Variants in STARD13 observed in about 807,000 individuals in gnomAD.
STARD13 encodes StAR related lipid transfer domain containing 13.
In STARD13, 62 loss-of-function variants were observed where a neutral mutation model predicts 106.4. That is an observed-to-expected ratio of 0.58 (90% CI 0.48 to 0.72). The LOEUF is 0.72. Among genes scored for constraint, STARD13 ranks in the 30% least tolerant of loss-of-function variants. The probability of loss-of-function intolerance (pLI) is 0.00; values close to 1 mark genes in which losing one functional copy is unlikely to be tolerated. For missense variants in STARD13, 1,387 were observed against 1,424.0 expected (o/e 0.97, Z 0.42); for synonymous variants, 565 against 553.0 (o/e 1.02, Z -0.31).
chr13:33,381,554 A>C, the STARD13 span, among the ~76,000 whole-genome samples: 1 of 152,054 alleles, frequency 6.6e-6, no homozygotes, highest in Non-Finnish European at 1.5e-5. Context: ...AGCCTGACCA[A>C]CATGATGAAA....
At chr13:33,261,057 T>C (rs779819241) in intron 1 of STARD13, among the ~76,000 whole-genome samples, 22 of 152,230 alleles carry the variant, frequency 1.4e-4, no homozygotes, top group Non-Finnish European at 2.9e-4. Context: ...AAGACTCTGG[T>C]ACACAGAAGA....
chr13:33,300,754 T>C (rs906589455), intron 1 of STARD13, among the ~76,000 whole-genome samples: 1 of 152,226 alleles, frequency 6.6e-6, no homozygotes, highest in Non-Finnish European at 1.5e-5. Flanking sequence ...TTATTGATTA[T>C]GGAAATTACC....
the STARD13 span, among the ~76,000 whole-genome samples, chr13:33,418,775 C>T: frequency 2.6e-5 from 4 of 152,220 alleles, no homozygotes; most frequent in Non-Finnish European, 5.9e-5. Flanking sequence ...TGCTCTTCTG[C>T]AATATTTGCT....
chr13:33,511,553 T>TA, the STARD13 span: 1 of 152,168 alleles, frequency 6.6e-6, no homozygotes, highest in Non-Finnish European at 1.5e-5. Flanking sequence ...GTATCCTACT[T>TA]ACGTTTAAAA....
intron 4 of STARD13, chr13:33,138,844 T>A (rs777871291): frequency 4.2e-6 from 2 of 478,606 alleles, no homozygotes. Flanking sequence ...CTCGAATCCT[T>A]AAAGGGTCCC....
chr13:33,309,342 G>A (rs1247724134), intron 1 of STARD13, among the ~76,000 whole-genome samples: 2 of 152,120 alleles, frequency 1.3e-5, no homozygotes, highest in Non-Finnish European at 2.9e-5. Context: ...CAGAGAAAGC[G>A]GCAGAGCTGG....
Position 33,106,743 on chromosome 13 carries a change from G to T in STARD13, c.3224+15C>A. ...CCCAAGATCTGAGCCTGCCATTAAG[G>T]GAGTCAGCACTTACTTCAGGTCTAT... On this transcript the variant is annotated intron_variant, in intron 13 of 13. Transcript: ENST00000336934. 6.3e-7 allele frequency: 1 copy of T among 1,588,562 alleles called. No homozygotes were observed. The highest frequency in any genetic ancestry group is 8.6e-7 in the Non-Finnish European group (1 of 1,163,730).
chr13:33,408,991 C>T, the STARD13 span, among the ~76,000 whole-genome samples: 1 of 151,718 alleles, frequency 6.6e-6, no homozygotes, highest in Non-Finnish European at 1.5e-5. Flanking sequence ...TCTCACTTTG[C>T]ACCCCATTCT....
intron 1 of STARD13, among the ~76,000 whole-genome samples, chr13:33,225,132 T>C (rs1044858927): frequency 7.9e-5 from 12 of 152,236 alleles, no homozygotes; most frequent in African/African-American, 2.9e-4. Flanking sequence ...TTTAATATAT[T>C]CTTAATCACT....
chr13:33,395,481 G>A, the STARD13 span, among the ~76,000 whole-genome samples: 4 of 152,130 alleles, frequency 2.6e-5, no homozygotes, highest in Non-Finnish European at 5.9e-5. Context: ...TGTTGTAGTG[G>A]AAATAAAAGA....
chr13:33,181,193 C>T (rs1885193606), intron 1 of STARD13, among the ~76,000 whole-genome samples: 1 of 152,076 alleles, frequency 6.6e-6, no homozygotes, highest in South Asian at 2.1e-4. Context: ...CCTGCTCTGT[C>T]TCCCGTGGGC....
the STARD13 span, among the ~76,000 whole-genome samples, chr13:33,371,933 T>C: frequency 6.6e-6 from 1 of 152,226 alleles, no homozygotes; most frequent in Non-Finnish European, 1.5e-5. Flanking sequence ...CTTGAAAGAA[T>C]TGATTGCATC....
intron 1 of STARD13, among the ~76,000 whole-genome samples, chr13:33,236,172 C>T (rs975825788): frequency 3.3e-5 from 5 of 152,208 alleles, no homozygotes; most frequent in Non-Finnish European, 5.9e-5. Flanking sequence ...TTGAATCACT[C>T]TATTATTGAA....
chr13:33,669,751 A>T, the STARD13 span, among the ~76,000 whole-genome samples: 1 of 151,512 alleles, frequency 6.6e-6, no homozygotes, highest in African/African-American at 2.4e-5. Flanking sequence ...GGCTAGGCTG[A>T]TCTTGAACTC....
At chr13:33,488,733 A>T in the STARD13 span, among the ~76,000 whole-genome samples, 4 of 152,164 alleles carry the variant, frequency 2.6e-5, no homozygotes, top group East Asian at 7.7e-4. Flanking sequence ...CTTCTCTCCA[A>T]CTACTGGAAT....
chr13:33,363,614 C>A, the STARD13 span, among the ~76,000 whole-genome samples: 342 of 152,324 alleles, frequency 2.2e-3, no homozygotes, highest in African/African-American at 7.7e-3. Context: ...ACTGGCAGTT[C>A]CTTAAATGCA....
At chr13:33,105,821 A>T (rs1873612848) in intron 13 of STARD13, 111 bp from the exon 14 acceptor site, 1 of 867,750 alleles carries the variant, frequency 1.2e-6, no homozygotes. Context: ...GAACCTGCAG[A>T]CAGCTCGGGC....
At chr13:33,159,195 G>T (rs1417347454) in intron 3 of STARD13, among the ~76,000 whole-genome samples, 1 of 152,032 alleles carries the variant, frequency 6.6e-6, no homozygotes, top group Non-Finnish European at 1.5e-5. Flanking sequence ...CCTGCTACGG[G>T]CTATATCATG....
chr13:33,528,226 G>GTATATATATATATATACATATATA, the STARD13 span, among the ~76,000 whole-genome samples: 1 of 101,024 alleles, frequency 9.9e-6, no homozygotes, highest in Non-Finnish European at 1.8e-5. Flanking sequence ...GTGTGTGTGT[G>GTATATATATATATATACATATATA]TATATATATA....
Sources: gnomAD v4.1 joint callset for allele counts (sites outside exome capture counted in the v4.1 genomes callset) on GRCh38, gnomAD v4.1.1 for gene constraint, MANE v1.5 for transcripts, NCBI Gene and HGNC (gene_info 2026-07-23, HGNC 2026-07-21) for gene names.